The following SMYD3 variants were observed in gnomAD, a reference collection of about 807,000 sequenced individuals.
SMYD3 encodes the protein histone-lysine N-methyltransferase SMYD3.
SMYD3 carries 36 observed loss-of-function variants against 57.7 expected under a neutral mutation model. That is an observed-to-expected ratio of 0.62 (90% CI 0.48 to 0.82). The LOEUF is 0.82. Ranked by LOEUF, SMYD3 falls within the 40% of genes least tolerant of loss-of-function variation. The pLI is 0.00. For missense variants in SMYD3, 515 were observed against 538.8 expected (o/e 0.96, Z 0.44); for synonymous variants, 211 against 195.0 (o/e 1.08, Z -0.68).
At chr1:245,852,896 C>A (rs937578862) in intron 10 of SMYD3, among the ~76,000 whole-genome samples, 1 of 152,100 alleles carries the variant, frequency 6.6e-6, no homozygotes, top group Non-Finnish European at 1.5e-5. Flanking sequence ...GAAAGAGGCC[C>A]TGATTAGGCA....
chr1:245,844,767 T>C (rs910562872), intron 10 of SMYD3, among the ~76,000 whole-genome samples: 3 of 151,806 alleles, frequency 2.0e-5, no homozygotes, highest in African/African-American at 4.9e-5. Context: ...GGCTCCAACA[T>C]GAAGCCACCT....
chr1:245,822,765 T>A (rs1475885830), intron 10 of SMYD3, among the ~76,000 whole-genome samples: 12 of 152,138 alleles, frequency 7.9e-5, no homozygotes. Context: ...TGGGCCCACT[T>A]TGTACTTGGC....
intron 5 of SMYD3, among the ~76,000 whole-genome samples, chr1:246,097,617 C>A (rs946380752): frequency 5.9e-5 from 9 of 152,064 alleles, no homozygotes; most frequent in Non-Finnish European, 1.2e-4. Flanking sequence ...AATTTCCAAC[C>A]CCCACAATCC....
chr1:246,028,416 A>G (rs1481496955), intron 5 of SMYD3, among the ~76,000 whole-genome samples: 2 of 152,216 alleles, frequency 1.3e-5, no homozygotes, highest in Non-Finnish European at 2.9e-5. Flanking sequence ...AAATCAATAT[A>G]CAAAACTATA....
intron 8 of SMYD3, among the ~76,000 whole-genome samples, chr1:245,890,937 G>A (rs1358982955): frequency 2.0e-5 from 3 of 152,180 alleles, no homozygotes; most frequent in Admixed American, 6.5e-5. Context: ...GGAATGGGAG[G>A]ACATTGTGTT....
intron 2 of SMYD3, among the ~76,000 whole-genome samples, chr1:246,353,385 CTGGCCATGG>C: frequency 6.6e-6 from 1 of 152,044 alleles, no homozygotes; most frequent in Admixed American, 6.5e-5. Flanking sequence ...TTTAAATTAC[CTGGCCATGG>C]TGGCACGTAC....
At chr1:245,787,886 C>A (rs571585464) in intron 10 of SMYD3, among the ~76,000 whole-genome samples, 1 of 152,284 alleles carries the variant, frequency 6.6e-6, no homozygotes, top group Non-Finnish European at 1.5e-5. Context: ...GAGGTTCAAG[C>A]ACGGTATAGG....
chr1:246,077,804 G>A (rs959783039), intron 5 of SMYD3, among the ~76,000 whole-genome samples: 2 of 152,026 alleles, frequency 1.3e-5, no homozygotes, highest in African/African-American at 4.8e-5. Context: ...CAAGTTGCCT[G>A]TTTATGTATC....
chr1:246,009,534 A>G (rs969365192), intron 5 of SMYD3, among the ~76,000 whole-genome samples: 15 of 152,324 alleles, frequency 9.8e-5, no homozygotes, highest in African/African-American at 2.6e-4. Context: ...ACACACGTAC[A>G]TAAAAGGGTA....
chr1:245,939,557 G>A (rs1052987574), intron 5 of SMYD3, among the ~76,000 whole-genome samples: 9 of 152,096 alleles, frequency 5.9e-5, no homozygotes, highest in African/African-American at 9.7e-5. Context: ...AACCCAGGAG[G>A]CAGAGGTTGC....
At chr1:246,347,789 G>A (rs1163823817) in intron 2 of SMYD3, among the ~76,000 whole-genome samples, 1 of 151,988 alleles carries the variant, frequency 6.6e-6, no homozygotes, top group East Asian at 1.9e-4. Flanking sequence ...CTCCAGAAAT[G>A]TGAGTCAACA....
At chr1:246,334,700 C>T (rs1301800706) in intron 3 of SMYD3, among the ~76,000 whole-genome samples, 1 of 152,102 alleles carries the variant, frequency 6.6e-6, no homozygotes, top group African/African-American at 2.4e-5. Context: ...TGCACATGTA[C>T]CCCCTGAATC....
intron 5 of SMYD3, among the ~76,000 whole-genome samples, chr1:245,935,571 T>C (rs918978220): frequency 1.3e-5 from 2 of 152,178 alleles, no homozygotes; most frequent in South Asian, 2.1e-4. Context: ...ATAAGAGATA[T>C]CCGTGCTCCC....
intron 1 of SMYD3, among the ~76,000 whole-genome samples, chr1:246,428,695 G>A (rs566828012): frequency 9.9e-5 from 15 of 152,178 alleles, no homozygotes; most frequent in African/African-American, 2.2e-4. Context: ...ATTCAAACCC[G>A]TGCAATCTAG....
chr1:246,201,769 T>C lies in SMYD3; in HGVS notation c.531+125432A>G, dbSNP rs552276125. On this transcript the variant is annotated intron_variant, in intron 5 of 11. Transcript: ENST00000490107. ...GGCTCACGCCAGTAATCCCAACACT[T>C]TGGGAGGCCGAGGCAAGTGGATCAC... 1.9e-3 allele frequency among the ~76,000 whole-genome samples: 282 copies of C among 152,242 alleles called. 1 individual carries two copies. Among genetic ancestry groups the C allele is most frequent in the African/African-American group, 6.5e-3 (270 of 41,538 alleles).
At chr1:246,310,680 T>TTTTTC (rs2065061059) in intron 5 of SMYD3, among the ~76,000 whole-genome samples, 1 of 148,042 alleles carries the variant, frequency 6.8e-6, no homozygotes, top group African/African-American at 2.5e-5. Context: ...TTTTTTTTTT[T>TTTTTC]TTTTTCTGAG....
At chr1:246,373,916 A>C (rs1448011612) in intron 1 of SMYD3, among the ~76,000 whole-genome samples, 3 of 152,222 alleles carry the variant, frequency 2.0e-5, no homozygotes, top group African/African-American at 7.2e-5. Context: ...TCCACAAAAC[A>C]ACCCTGCCAT....
chr1:246,254,021 T>G (rs1017899040), intron 5 of SMYD3, among the ~76,000 whole-genome samples: 56 of 152,162 alleles, frequency 3.7e-4, no homozygotes, highest in Non-Finnish European at 7.5e-4. Flanking sequence ...TCTGTTGTTT[T>G]TTACTTCTTA....
At chr1:246,056,404 A>C (rs1332385805) in intron 5 of SMYD3, among the ~76,000 whole-genome samples, 1 of 152,164 alleles carries the variant, frequency 6.6e-6, no homozygotes, top group Non-Finnish European at 1.5e-5. Context: ...TGTTACTCCA[A>C]TAAGCCTGAG....
Sources: allele counts gnomAD v4.1 joint callset (sites outside exome capture counted in the v4.1 genomes callset), GRCh38; gene constraint gnomAD v4.1.1; transcripts MANE v1.5; gene names NCBI Gene and HGNC (gene_info 2026-07-23, HGNC 2026-07-21).